The following RAD23B variants were observed in gnomAD, a reference collection of about 807,000 sequenced individuals.
RAD23B encodes the protein lysine-specific demethylase RAD23B.
Under a neutral mutation model 49.1 loss-of-function variants are expected in RAD23B, and 5 were observed. That is an observed-to-expected ratio of 0.10 (90% confidence interval 0.05 to 0.21). The LOEUF is 0.21. Ranked by LOEUF, RAD23B falls within the 10% of genes least tolerant of loss-of-function variation. The probability of loss-of-function intolerance (pLI) is 1.00; values close to 1 mark genes in which losing one functional copy is unlikely to be tolerated. For synonymous variants in RAD23B, 184 were observed against 165.4 expected (o/e 1.11, Z -0.86); for missense variants, 356 against 486.7 (o/e 0.73, Z 2.53).
At chr9:107,305,199 G>T (rs1826737891) in intron 3 of RAD23B, among the ~76,000 whole-genome samples, 1 of 152,198 alleles carries the variant, frequency 6.6e-6, no homozygotes, top group Non-Finnish European at 1.5e-5. Flanking sequence ...GGTGTTGGGG[G>T]CGGGGGCAGT....
chr9:107,322,250 T>C, intron 7 of RAD23B, 132 bp downstream of exon 7: 1 of 1,153,676 alleles, frequency 8.7e-7, no homozygotes, highest in Non-Finnish European at 1.2e-6. Flanking sequence ...CTCTCTTCAC[T>C]AATGTTTGAG....
At chr9:107,288,626 T>G (rs1197915550) in intron 1 of RAD23B, among the ~76,000 whole-genome samples, 2 of 152,064 alleles carry the variant, frequency 1.3e-5, no homozygotes, top group Admixed American at 6.6e-5. Context: ...TTTTGTATTT[T>G]TAGTAGAGAC....
intron 4 of RAD23B, among the ~76,000 whole-genome samples, chr9:107,308,278 GC>G (rs1826822781): frequency 6.6e-6 from 1 of 150,700 alleles, no homozygotes; most frequent in African/African-American, 2.4e-5. Flanking sequence ...GAGTGCAGTG[GC>G]GTGACCTCGG....
At chr9:107,327,367 T>A (rs1827226547) in intron 9 of RAD23B, among the ~76,000 whole-genome samples, 1 of 152,218 alleles carries the variant, frequency 6.6e-6, no homozygotes, top group South Asian at 2.1e-4. Context: ...AGTTTAAGAT[T>A]AAATTATTAT....
chr9:107,322,977 A>G (rs935288156), intron 7 of RAD23B, among the ~76,000 whole-genome samples: 12 of 152,244 alleles, frequency 7.9e-5, no homozygotes, highest in African/African-American at 2.9e-4. Context: ...TAAAGCTGGT[A>G]TTATATATGG....
intron 6 of RAD23B, among the ~76,000 whole-genome samples, chr9:107,319,701 T>C (rs1185085973): frequency 1.3e-5 from 2 of 152,166 alleles, no homozygotes; most frequent in African/African-American, 4.8e-5. Context: ...CCGTTGGCAT[T>C]TGAATTTGTT....
chr9:107,327,276 A>C (rs959878770), intron 9 of RAD23B, among the ~76,000 whole-genome samples: 1 of 151,740 alleles, frequency 6.6e-6, no homozygotes, highest in Non-Finnish European at 1.5e-5. Context: ...AAGTCTCTCT[A>C]ATGTTTATTT....
At position 107,306,430 on chromosome 9, in the gene RAD23B, G is replaced by A. The variant is rs1826774015; in HGVS notation, c.280G>A (p.Ala94Thr). 1 of 1,614,182 alleles carries A rather than the reference G, an allele frequency of 6.2e-7. No homozygotes were observed. The highest frequency in any genetic ancestry group is 8.5e-7 in the Non-Finnish European group (1 of 1,180,030). Residue 94 changes from alanine to threonine, a missense_variant, in exon 4 of 10, where the codon GCC becomes ACC. Ala to Thr is a moderately conservative substitution (Grantham distance 58). Around this residue, in one of 5 missense-constraint regions of RAD23B, gnomAD observed 137 missense variants for 122.0 expected, o/e 1.12. Coordinates refer to ENST00000358015, the MANE Select transcript of RAD23B (RefSeq NM_002874.5). ...APATTQQSAPASTTAVTSSTT... is the reference protein window; with the variant it reads ...APATTQQSAPTSTTAVTSSTT... ...AGCTACAACTCAGCAGTCAGCTCCT[G>A]CCAGCACTACAGCAGTTACTTCCTC...
intron 3 of RAD23B, among the ~76,000 whole-genome samples, chr9:107,302,716 C>T (rs947203876): frequency 9.4e-5 from 14 of 149,416 alleles, no homozygotes; most frequent in Admixed American, 5.4e-4. Context: ...AGCGCAGTGA[C>T]GCTGTCTTGG....
Position 107,329,794 on chromosome 9 carries a change from T to A in RAD23B, c.*138T>A. ...ATTGTTGGGGGTGGGGAGGGAGGGA[T>A]CTAGGATACAGGGCAGGGATAAATA... On this transcript the variant is annotated 3_prime_UTR_variant, in exon 10 of 10. Coordinates refer to ENST00000358015, the MANE Select transcript of RAD23B (RefSeq NM_002874.5). 3 of 529,838 alleles carry A rather than the reference T, an allele frequency of 5.7e-6. No homozygotes were observed. The East Asian group carries it at 8.9e-5, about 16-fold the overall frequency. The allele number at this position is 529,838 out of a possible 1,614,324, so 32.8% of individuals were successfully genotyped here.
At position 107,331,778 on chromosome 9, in the gene RAD23B, GATTA is replaced by G. The variant is rs1564255963; in HGVS notation, c.*2127_*2130del. 7 of 770,196 alleles carry G rather than the reference GATTA, an allele frequency of 9.1e-6. No individual in the cohort carries two copies. In the African/African-American group the frequency reaches 1.0e-4, roughly 11 times the overall value. 47.7% of individuals were successfully genotyped at this position (770,196 alleles called of 1,614,324 possible). ...TGGACAACAAATCTGGATATACTAG[GATTA>G]ATTATCAGAAGACAGCTCAGGCCAA... is the stretch of plus-strand genomic sequence containing the variant. On this transcript the variant is annotated 3_prime_UTR_variant, in exon 10 of 10. Transcript: ENST00000358015.
rs1833203335 is a variant in RAD23B at position 107,283,622 on chromosome 9, G to A, written c.-8G>A. On this transcript the variant is annotated 5_prime_UTR_variant, in exon 1 of 10. Transcript: ENST00000358015. Reference sequence around the variant, plus strand: ...GCAGGCCCGGCAGCCGAGCTGCGCGGCGGCACCATGCAGGTCACCCTGAAG... The same window carrying A: ...GCAGGCCCGGCAGCCGAGCTGCGCGACGGCACCATGCAGGTCACCCTGAAG... 1 of 1,476,314 alleles carries A rather than the reference G, an allele frequency of 6.8e-7. No individual in the cohort carries two copies. The highest frequency in any genetic ancestry group is 9.0e-7 in the Non-Finnish European group (1 of 1,111,374). 91.5% of individuals were successfully genotyped at this position (1,476,314 alleles called of 1,614,324 possible).
chr9:107,323,754 A>G, intron 7 of RAD23B, 136 bp from the exon 8 acceptor site: 1 of 864,402 alleles, frequency 1.2e-6, no homozygotes, highest in Non-Finnish European at 1.8e-6. Context: ...TTTCATCATT[A>G]TTTACTTCAT....
chr9:107,320,278 G>T (rs1382239288), intron 6 of RAD23B, among the ~76,000 whole-genome samples: 1 of 152,194 alleles, frequency 6.6e-6, no homozygotes, highest in Non-Finnish European at 1.5e-5. Flanking sequence ...AATAATTGTT[G>T]TGAATTTGTT....
At chr9:107,284,979 A>C (rs768619490) in intron 1 of RAD23B, 438 of 1,296,390 alleles carry the variant, frequency 3.4e-4, no homozygotes, top group Non-Finnish European at 4.4e-4. Context: ...CTTTGAGTGG[A>C]GATACAGTGT....
intron 1 of RAD23B, among the ~76,000 whole-genome samples, chr9:107,289,638 A>C (rs933895493): frequency 2.0e-5 from 3 of 152,180 alleles, no homozygotes; most frequent in African/African-American, 7.2e-5. Context: ...GTAGAGAAGT[A>C]GATGGAATTA....
At position 107,331,640 on chromosome 9, in the gene RAD23B, T is replaced by G. The variant is rs747636463; in HGVS notation, c.*1984T>G. The G allele has an allele frequency of 6.5e-6, 5 of 769,166 alleles. No homozygotes were observed. The highest frequency in any genetic ancestry group is 1.2e-5 in the Non-Finnish European group (5 of 414,992). 47.6% of individuals were successfully genotyped at this position (769,166 alleles called of 1,614,324 possible). A position where few individuals can be genotyped will look rare whatever the true frequency, so the allele number is the denominator to read the frequency against. Reference sequence around the variant, plus strand: ...TGATCGGATAATGGAATACTCTCATTTATTTTATGACATTCTCTGTCTACT... The same window carrying G: ...TGATCGGATAATGGAATACTCTCATGTATTTTATGACATTCTCTGTCTACT... On this transcript the variant is annotated 3_prime_UTR_variant, in exon 10 of 10. Coordinates refer to ENST00000358015, the MANE Select transcript of RAD23B (RefSeq NM_002874.5).
intron 3 of RAD23B, 151 bp downstream of exon 3, chr9:107,302,265 G>A: frequency 9.6e-7 from 1 of 1,045,560 alleles, no homozygotes; most frequent in Non-Finnish European, 1.3e-6. Context: ...TACCTTAAGT[G>A]AAACATAAAG....
At chr9:107,300,842 T>C (rs552857152) in intron 2 of RAD23B, among the ~76,000 whole-genome samples, 1 of 152,328 alleles carries the variant, frequency 6.6e-6, no homozygotes, top group South Asian at 2.1e-4. Context: ...GGTGGGTGTT[T>C]GATCACCCAT....
Sources: gnomAD v4.1 joint callset for allele counts (sites outside exome capture counted in the v4.1 genomes callset) on GRCh38, gnomAD v4.1.1 for gene constraint, gnomAD v4.1.1 regional missense constraint, MANE v1.5 for transcripts, NCBI Gene and HGNC (gene_info 2026-07-23, HGNC 2026-07-21) for gene names.